The following GRM8 variants were observed in gnomAD, a reference collection of about 807,000 sequenced individuals.
GRM8 encodes the protein metabotropic glutamate receptor 8.
Under a neutral mutation model 87.2 loss-of-function variants are expected in GRM8, and 47 were observed. That is an observed-to-expected ratio of 0.54 (90% CI 0.43 to 0.69). The LOEUF is 0.69. Among genes scored for constraint, GRM8 ranks in the 30% least tolerant of loss-of-function variants. GRM8 has a pLI of 0.00. For missense variants in GRM8, 1,019 were observed against 1,139.2 expected (o/e 0.89, Z 1.52); for synonymous variants, 396 against 404.5 (o/e 0.98, Z 0.25).
At chr7:126,870,119 T>C (rs1408441674) in intron 6 of GRM8, 1 of 152,174 alleles carries the variant, frequency 6.6e-6, no homozygotes, top group Non-Finnish European at 1.5e-5. Flanking sequence ...ATGACTTCTT[T>C]ACTTAAACCT....
At chr7:127,208,960 C>A (rs899506999) in intron 2 of GRM8, among the ~76,000 whole-genome samples, 7 of 152,232 alleles carry the variant, frequency 4.6e-5, no homozygotes, top group African/African-American at 1.7e-4. Flanking sequence ...CCATTTCCCA[C>A]AGGAGCTTTA....
At chr7:126,619,129 G>T (rs951082572) in intron 7 of GRM8, among the ~76,000 whole-genome samples, 12 of 152,192 alleles carry the variant, frequency 7.9e-5, no homozygotes, top group African/African-American at 2.9e-4. Flanking sequence ...TAACCCAAAT[G>T]TCCATCAGTG....
chr7:127,116,744 T>C (rs1227773435), intron 2 of GRM8, among the ~76,000 whole-genome samples: 2 of 152,222 alleles, frequency 1.3e-5, no homozygotes, highest in Non-Finnish European at 2.9e-5. Context: ...ACTACCCAAT[T>C]TGCAGAAATG....
chr7:126,581,235 A>G (rs1795580647), intron 8 of GRM8, among the ~76,000 whole-genome samples: 1 of 152,178 alleles, frequency 6.6e-6, no homozygotes, highest in African/African-American at 2.4e-5. Flanking sequence ...AAATTCTCAG[A>G]AAATGAATAA....
At chr7:126,679,596 T>C (rs1021476638) in intron 7 of GRM8, among the ~76,000 whole-genome samples, 1 of 152,146 alleles carries the variant, frequency 6.6e-6, no homozygotes, top group Admixed American at 6.5e-5. Context: ...CCCACATTAC[T>C]CAGCTGTAAT....
chr7:126,885,279 C>T (rs1285547677), intron 6 of GRM8, among the ~76,000 whole-genome samples: 1 of 152,146 alleles, frequency 6.6e-6, no homozygotes, highest in Non-Finnish European at 1.5e-5. Context: ...TGAGTGTATT[C>T]ATAGTGATGT....
chr7:126,805,922 T>C (rs1388905308), intron 6 of GRM8, among the ~76,000 whole-genome samples: 1 of 152,188 alleles, frequency 6.6e-6, no homozygotes, highest in Non-Finnish European at 1.5e-5. Flanking sequence ...TTGTACAAAC[T>C]TTGCTGTGAG....
chr7:126,838,811 A>T (rs948533861), intron 6 of GRM8, among the ~76,000 whole-genome samples: 1 of 152,198 alleles, frequency 6.6e-6, no homozygotes, highest in Non-Finnish European at 1.5e-5. Flanking sequence ...ACATCATATA[A>T]GCAACTAGAC....
intron 2 of GRM8, among the ~76,000 whole-genome samples, chr7:127,212,669 G>A (rs17862322): frequency 1.1e-3 from 166 of 152,064 alleles, no homozygotes; most frequent in South Asian, 1.9e-3. Flanking sequence ...CGCCCGCCTC[G>A]GCCTCCCAAA....
In GRM8 at chr7:126,914,097, G is replaced by A. The variant is rs146484536; in HGVS notation, c.728-9414C>T. On this transcript the variant is annotated intron_variant, in intron 3 of 10. Coordinates refer to ENST00000339582, the MANE Select transcript of GRM8 (RefSeq NM_000845.3). ...CATAGGGAAATAAAGACAATCCACTGTGAAACGGGACTGCAACAGAAGCAG... is the reference window on the plus strand; with the variant it reads ...CATAGGGAAATAAAGACAATCCACTATGAAACGGGACTGCAACAGAAGCAG... Among the ~76,000 whole-genome samples, 369 of 152,266 alleles carry A rather than the reference G, an allele frequency of 2.4e-3. 1 individual carries two copies. The highest frequency in any genetic ancestry group is 8.5e-3 in the African/African-American group (353 of 41,556).
intron 9 of GRM8, among the ~76,000 whole-genome samples, chr7:126,448,375 T>C (rs571803583): frequency 2.6e-5 from 4 of 152,026 alleles, no homozygotes; most frequent in African/African-American, 9.6e-5. Context: ...CTAGTCCAAA[T>C]AGTATAAAAA....
chr7:126,989,736 G>A (rs192649656), intron 3 of GRM8, among the ~76,000 whole-genome samples: 8 of 152,326 alleles, frequency 5.3e-5, no homozygotes, highest in Admixed American at 6.5e-5. Flanking sequence ...GAACCCAGAT[G>A]TTTGAGACCA....
chr7:126,742,567 CAT>C (rs1563143237), intron 7 of GRM8, among the ~76,000 whole-genome samples: 1 of 151,996 alleles, frequency 6.6e-6, no homozygotes, highest in Non-Finnish European at 1.5e-5. Context: ...GCCAACTCAC[CAT>C]TAATCAACCA....
intron 6 of GRM8, among the ~76,000 whole-genome samples, chr7:126,818,203 A>G (rs551646898): frequency 3.9e-5 from 6 of 152,318 alleles, no homozygotes; most frequent in African/African-American, 1.4e-4. Context: ...GTCAAATGTA[A>G]TATTAACAGA....
intron 8 of GRM8, among the ~76,000 whole-genome samples, chr7:126,592,027 T>C (rs921238973): frequency 6.6e-6 from 1 of 151,670 alleles, no homozygotes. Flanking sequence ...TTCCTTGATG[T>C]ATACAACTTA....
chr7:127,121,179 G>T (rs185013224), intron 2 of GRM8, among the ~76,000 whole-genome samples: 101 of 152,292 alleles, frequency 6.6e-4, no homozygotes, highest in African/African-American at 2.1e-3. Context: ...CGGATGAAAA[G>T]ATTTATTTTC....
chr7:126,445,549 T>G (rs986563680), intron 10 of GRM8: 1 of 152,382 alleles, frequency 6.6e-6, no homozygotes, highest in African/African-American at 2.4e-5. Context: ...AAGAAGAACT[T>G]TAATTATCTT....
chr7:126,537,663 G>A (rs769994280), intron 8 of GRM8, among the ~76,000 whole-genome samples: 3 of 152,078 alleles, frequency 2.0e-5, no homozygotes, highest in Non-Finnish European at 2.9e-5. Context: ...TGTAGTCCTA[G>A]CTACTTGGGA....
rs570089477 is a variant in GRM8 at position 126,974,590 on chromosome 7, G to A, written c.728-69907C>T. ...TGAAATAAGGTAGCTGGAGATATAAGTGTGGGCTTGCTTCCCAGGTTATTG... is the reference window on the plus strand; with the variant it reads ...TGAAATAAGGTAGCTGGAGATATAAATGTGGGCTTGCTTCCCAGGTTATTG... On this transcript the variant is annotated intron_variant, in intron 3 of 10. Transcript: ENST00000339582. Among the ~76,000 whole-genome samples the A allele has an allele frequency of 3.9e-5, 6 of 152,266 alleles. No individual in the cohort carries two copies. The South Asian group carries it at 1.2e-3, about 32-fold the overall frequency.
Sources: gnomAD v4.1 joint callset for allele counts (sites outside exome capture counted in the v4.1 genomes callset) on GRCh38, gnomAD v4.1.1 for gene constraint, MANE v1.5 for transcripts, NCBI Gene and HGNC (gene_info 2026-07-23, HGNC 2026-07-21) for gene names.